Variants in RPS6KA2 observed in about 807,000 individuals in gnomAD.
The protein encoded by RPS6KA2 is ribosomal protein S6 kinase alpha-2.
Under a neutral mutation model 91.8 loss-of-function variants are expected in RPS6KA2, and 42 were observed. The ratio of observed to expected loss-of-function variants is 0.46; its 90% confidence interval spans 0.36 to 0.59. The LOEUF is 0.59. Ranked by LOEUF, RPS6KA2 falls within the 20% of genes least tolerant of loss-of-function variation. The pLI is 0.00. For missense variants in RPS6KA2, 798 were observed against 978.5 expected (o/e 0.82, Z 2.46); for synonymous variants, 414 against 393.6 (o/e 1.05, Z -0.61).
chr6:166,523,274 A>T (rs1782919650), intron 3 of RPS6KA2, among the ~76,000 whole-genome samples: 6 of 152,250 alleles, frequency 3.9e-5, no homozygotes. Context: ...AGATGGCTTA[A>T]GGAGGAGACA....
chr6:166,470,725 C>T (rs957213013), intron 10 of RPS6KA2, among the ~76,000 whole-genome samples: 19 of 152,310 alleles, frequency 1.2e-4, no homozygotes, highest in African/African-American at 4.3e-4. Context: ...ACTGCAGAAG[C>T]GTGCCCATTC....
chr6:166,782,587 C>T (rs1209973086), intron 2 of RPS6KA2, among the ~76,000 whole-genome samples: 1 of 152,092 alleles, frequency 6.6e-6, no homozygotes, highest in Admixed American at 6.6e-5. Flanking sequence ...ATCCCGAGGC[C>T]CGGATTGCTG....
At chr6:166,862,356 G>A (rs1781067229) in exon 1 of RPS6KA2, 5 of 1,431,812 alleles carry the variant, frequency 3.5e-6, no homozygotes, top group Non-Finnish European at 4.6e-6. Context: ...CGGGGCCTGC[G>A]CCGGCCGGAG....
Position 166,419,880 on chromosome 6 carries a change from A to G in RPS6KA2, c.1820+2T>C. 6.2e-7 allele frequency: 1 copy of G among 1,613,372 alleles called. No individual in the cohort carries two copies. The highest frequency in any genetic ancestry group is 8.5e-7 in the Non-Finnish European group (1 of 1,179,434). On this transcript the variant is annotated splice_donor_variant, in intron 18 of 20. Transcript: ENST00000265678. LOFTEE classifies it high-confidence loss of function. This position sits in a 1 kb window ranked among gnomAD's most constrained non-coding sequence, Gnocchi z 5.6. ...TGACACCTGTTTGAGGTGACTGCTTACCCTGCCAGCATGGTGTACAACAGG... is the reference window on the plus strand; with the variant it reads ...TGACACCTGTTTGAGGTGACTGCTTGCCCTGCCAGCATGGTGTACAACAGG...
At chr6:166,431,975 C>T (rs752681764) in intron 15 of RPS6KA2, among the ~76,000 whole-genome samples, 40 of 152,248 alleles carry the variant, frequency 2.6e-4, no homozygotes, top group African/African-American at 4.8e-4. Context: ...ACCGTTTGCA[C>T]GCAGCAGTCA....
chr6:166,412,663 G>T lies in RPS6KA2; in HGVS notation c.*99C>A. ...CGAGGGCGGGCGCCGCCTCCCTGCT[G>T]GACTTGTGGTCACTCTGGGTGCCAG... On this transcript the variant is annotated 3_prime_UTR_variant, in exon 21 of 21. Transcript: ENST00000265678. This position sits in a 1 kb window ranked among gnomAD's most constrained non-coding sequence, Gnocchi z 4.3. The T allele has an allele frequency of 2.4e-6, 3 of 1,254,568 alleles. No homozygotes were observed. Among genetic ancestry groups the T allele is most frequent in the Non-Finnish European group, 3.2e-6 (3 of 926,144 alleles). 77.7% of individuals were successfully genotyped at this position (1,254,568 alleles called of 1,614,324 possible). A position where few individuals can be genotyped will look rare whatever the true frequency, so the allele number is the denominator to read the frequency against.
At chr6:166,712,030 G>A (rs1253420840) in intron 2 of RPS6KA2, among the ~76,000 whole-genome samples, 1 of 152,186 alleles carries the variant, frequency 6.6e-6, no homozygotes, top group East Asian at 1.9e-4. Context: ...GGCACACTGT[G>A]AACACCTCTA....
At position 166,504,532 on chromosome 6, in the gene RPS6KA2, GA is replaced by G; in HGVS notation, c.539del (p.Ile180ThrfsTer6). On this transcript the variant is annotated frameshift_variant, in exon 6 of 21. Transcript: ENST00000265678. LOFTEE classifies it high-confidence loss of function. ...LALDHLHSLG[I>X]IYRDLKPENI... ...TCTCAGGCTTCAGATCTCTGTAGAT[GA>G]TCCCCAGGCTGTGGAGATGGTCTAA... 1 of 1,612,470 alleles carries G rather than the reference GA, an allele frequency of 6.2e-7. No individual in the cohort carries two copies. The highest frequency in any genetic ancestry group is 8.5e-7 in the Non-Finnish European group (1 of 1,178,846).
At position 166,435,453 on chromosome 6, in the gene RPS6KA2, T is replaced by C. The variant is rs1779262821; in HGVS notation, c.1333-2963A>G. ...TGACTTTCATTACATTTTCAACATA[T>C]TAGTTACGCCTTTCAAAATCATGTA... On this transcript the variant is annotated intron_variant, in intron 14 of 20. Coordinates refer to ENST00000265678, the MANE Select transcript of RPS6KA2 (RefSeq NM_021135.6). The surrounding 1 kb of genome is among the most constrained non-coding windows in gnomAD (Gnocchi z 4.3). Among the ~76,000 whole-genome samples, 1 of 152,212 alleles carries C rather than the reference T, an allele frequency of 6.6e-6. No homozygotes were observed. The highest frequency in any genetic ancestry group is 2.4e-5 in the African/African-American group (1 of 41,454).
chr6:166,546,607 A>G (rs1783835932), intron 1 of RPS6KA2, among the ~76,000 whole-genome samples: 2 of 152,170 alleles, frequency 1.3e-5, no homozygotes, highest in South Asian at 4.1e-4. Flanking sequence ...CTACATCATC[A>G]GTATAACCAA....
At chr6:166,440,185 G>A (rs1219107928) in intron 14 of RPS6KA2, 3 of 152,230 alleles carry the variant, frequency 2.0e-5, no homozygotes, top group African/African-American at 7.2e-5. Context: ...AGCCTGTGTT[G>A]AAAGACCGGG....
Position 166,433,455 on chromosome 6 carries a change from T to C in RPS6KA2, c.1333-965A>G, listed in dbSNP as rs927056975. ...GGTGGCTAATCCCTCTGGAGGTGCCTAAGTCCCGCCCTTGCCGCCCCTGCT... is the reference window on the plus strand; with the variant it reads ...GGTGGCTAATCCCTCTGGAGGTGCCCAAGTCCCGCCCTTGCCGCCCCTGCT... On this transcript the variant is annotated intron_variant, in intron 14 of 20. Transcript: ENST00000265678. This position sits in a 1 kb window ranked among gnomAD's most constrained non-coding sequence, Gnocchi z 4.4. 7.2e-5 allele frequency among the ~76,000 whole-genome samples: 11 copies of C among 152,136 alleles called. No individual in the cohort carries two copies. The highest frequency in any genetic ancestry group is 2.4e-4 in the African/African-American group (10 of 41,410).
At chr6:166,629,049 G>C (rs2128544859), upstream of RPS6KA2, among the ~76,000 whole-genome samples, 1 of 152,318 alleles carries the variant, frequency 6.6e-6, no homozygotes, top group East Asian at 1.9e-4. Flanking sequence ...CAGCCTCTTA[G>C]TGCCCTGTAT....
chr6:166,430,640 C>T, intron 15 of RPS6KA2, 29 bp from the exon 16 acceptor site: 1 of 1,592,040 alleles, frequency 6.3e-7, no homozygotes, highest in Non-Finnish European at 8.6e-7. Context: ...GCGCACACGT[C>T]ACCACGGCTG....
chr6:166,439,376 G>C (rs936411444), intron 14 of RPS6KA2, among the ~76,000 whole-genome samples: 1 of 152,198 alleles, frequency 6.6e-6, no homozygotes, highest in Non-Finnish European at 1.5e-5. Flanking sequence ...TCAATGTGCT[G>C]GGATTACAGG....
rs926926656 is a variant in RPS6KA2, at chr6:166,557,929, TGTGTGG to T, written c.100-19151_100-19146del. On this transcript the variant is annotated intron_variant, in intron 1 of 20. Coordinates refer to ENST00000265678, the MANE Select transcript of RPS6KA2 (RefSeq NM_021135.6). The surrounding 1 kb of genome is among the most constrained non-coding windows in gnomAD (Gnocchi z 4.8). Reference sequence around the variant, plus strand: ...AACCAGTAGGTGATATGTGTGTATGTGTGTGGGTGTGGGTGTGTATAGAGATGTATA... The same window carrying T: ...AACCAGTAGGTGATATGTGTGTATGTGTGTGGGTGTGTATAGAGATGTATA... 1.3e-5 allele frequency among the ~76,000 whole-genome samples: 2 copies of T among 152,078 alleles called. No homozygotes were observed. The highest frequency in any genetic ancestry group is 4.8e-5 in the African/African-American group (2 of 41,390).
rs189372720 is a variant in RPS6KA2 at position 166,490,458 on chromosome 6, A to T, written c.818+213T>A. On this transcript the variant is annotated intron_variant, in intron 9 of 20. Coordinates refer to ENST00000265678, the MANE Select transcript of RPS6KA2 (RefSeq NM_021135.6). This position sits in a 1 kb window ranked among gnomAD's most constrained non-coding sequence, Gnocchi z 4.2. ...GCAACTGCTCCCTTGACCCACTGTCATTAGAATGCCCAGCACCCTATTACC... is the reference window on the plus strand; with the variant it reads ...GCAACTGCTCCCTTGACCCACTGTCTTTAGAATGCCCAGCACCCTATTACC... Among the ~76,000 whole-genome samples the T allele has an allele frequency of 6.6e-6, 1 of 152,354 alleles. No individual in the cohort carries two copies. Among genetic ancestry groups the T allele is most frequent in the East Asian group, 1.9e-4 (1 of 5,192 alleles).
At chr6:166,530,259 C>T (rs1463218549) in intron 3 of RPS6KA2, among the ~76,000 whole-genome samples, 2 of 152,212 alleles carry the variant, frequency 1.3e-5, no homozygotes, top group African/African-American at 2.4e-5. Context: ...TGCCCCCCTC[C>T]CAGAGAGAAA....
chr6:166,571,543 T>C (rs1357738238), intron 1 of RPS6KA2, among the ~76,000 whole-genome samples: 1 of 152,250 alleles, frequency 6.6e-6, no homozygotes, highest in Non-Finnish European at 1.5e-5. Flanking sequence ...ATGCGCGTTC[T>C]AGCACTCCAA....
Sources: gnomAD v4.1 joint callset for allele counts (sites outside exome capture counted in the v4.1 genomes callset) on GRCh38, gnomAD v4.1.1 for gene constraint, Gnocchi (gnomAD v3.1) non-coding constraint, MANE v1.5 for transcripts, NCBI Gene and HGNC (gene_info 2026-07-23, HGNC 2026-07-21) for gene names.